MS4A6A: variants seen among roughly 807,000 people sequenced by gnomAD.
MS4A6A encodes the protein membrane spanning 4-domains A6A.
Under a neutral mutation model 20.6 loss-of-function variants are expected in MS4A6A, and 19 were observed. That is an observed-to-expected ratio of 0.92 (90% CI 0.64 to 1.36). MS4A6A has a LOEUF of 1.36. Among genes scored for constraint, MS4A6A ranks in the 40% most tolerant of loss-of-function variants. The pLI is 0.00. For missense variants in MS4A6A, 272 were observed against 261.1 expected, an observed-to-expected ratio of 1.04 and a Z score of -0.29; for synonymous variants, 108 against 105.0, an observed-to-expected ratio of 1.03 and a Z score of -0.17.
intron 1 of MS4A6A, 43 bp downstream of exon 1, chr11:60,182,935 C>T: frequency 5.6e-6 from 7 of 1,255,472 alleles, no homozygotes; most frequent in Non-Finnish European, 7.2e-6. Context: ...GAGGTCACGG[C>T]AAGGGAATAG....
chr11:60,184,509 G>A (rs910414617), upstream of MS4A6A: 1 of 152,214 alleles, frequency 6.6e-6, no homozygotes, highest in African/African-American at 2.4e-5. Context: ...CCCTTCAGGG[G>A]AATGTGCTAA....
At chr11:60,178,492 A>C (rs547543178) in intron 3 of MS4A6A, 176 bp from the exon 4 acceptor site, 1 of 515,268 alleles carries the variant, frequency 1.9e-6, no homozygotes, top group East Asian at 3.2e-5. Flanking sequence ...ACATTCAGAT[A>C]ACATCAGAAA....
chr11:60,180,026 T>A, intron 2 of MS4A6A, 61 bp from the exon 3 acceptor site: 1 of 1,551,756 alleles, frequency 6.4e-7, no homozygotes, highest in Non-Finnish European at 8.8e-7. Context: ...CAGGGCCTTT[T>A]TGCCGCTCCC....
intron 5 of MS4A6A, among the ~76,000 whole-genome samples, chr11:60,173,437 A>C (rs547666540): frequency 1.3e-5 from 2 of 152,372 alleles, no homozygotes; most frequent in South Asian, 4.1e-4. Flanking sequence ...GTAAGAAAGC[A>C]GAGTGGCGTA....
chr11:60,173,520 G>A (rs2134757962), intron 5 of MS4A6A, among the ~76,000 whole-genome samples: 2 of 152,266 alleles, frequency 1.3e-5, no homozygotes, highest in Middle Eastern at 6.8e-3. Context: ...GTGTAAGCCT[G>A]GACAAGTCTC....
At chr11:60,172,400 A>G (rs778318146), downstream of MS4A6A, 32 of 1,403,322 alleles carry the variant, frequency 2.3e-5, no homozygotes, top group Non-Finnish European at 2.6e-5. Flanking sequence ...AATAATTGCA[A>G]TTTATCACCC....
chr11:60,176,394 C>A (rs1458333366), intron 4 of MS4A6A, among the ~76,000 whole-genome samples: 1 of 152,124 alleles, frequency 6.6e-6, no homozygotes, highest in Non-Finnish European at 1.5e-5. Context: ...GTAATCAGTT[C>A]CTTGATTTTA....
Position 60,181,757 on chromosome 11 carries a change from T to C in MS4A6A, c.-14-16A>G. The stretch of plus-strand genomic sequence containing the variant: ...GTGTTGCCAACTATGTAAGAAAAAA[T>C]AGATTTAGCTCTTAAAAAGTACAGA... On this transcript the variant is annotated splice_polypyrimidine_tract_variant and intron_variant, in intron 1 of 5. Coordinates refer to ENST00000528851, the MANE Select transcript of MS4A6A (RefSeq NM_022349.4). 3 of 1,612,530 alleles carry C rather than the reference T, an allele frequency of 1.9e-6. No homozygotes were observed. The highest frequency in any genetic ancestry group is 2.5e-6 in the Non-Finnish European group (3 of 1,179,056).
Position 60,172,755 on chromosome 11 carries a change from C to T in MS4A6A, c.*246G>A. On this transcript the variant is annotated 3_prime_UTR_variant, in exon 6 of 6. Transcript: ENST00000528851. ...ATGCCAGGCCAGTCATTTAACTTCC[C>T]AGAGTCTCATTCCCTTCGCTGACAA... The T allele has an allele frequency of 7.8e-7, 1 of 1,275,298 alleles. No homozygotes were observed. Among genetic ancestry groups the T allele is most frequent in the Non-Finnish European group, 1.0e-6 (1 of 998,742 alleles). 79.0% of individuals were successfully genotyped at this position (1,275,298 alleles called of 1,614,324 possible). A position where few individuals can be genotyped will look rare whatever the true frequency, so the allele number is the denominator to read the frequency against.
intron 2 of MS4A6A, chr11:60,180,293 G>A: frequency 3.2e-6 from 1 of 313,242 alleles, no homozygotes; most frequent in Non-Finnish European, 5.8e-6. Context: ...GGACCTCTAA[G>A]TCCATGACTA....
At chr11:60,175,869 A>G (rs369334411) in intron 4 of MS4A6A, among the ~76,000 whole-genome samples, 5 of 152,230 alleles carry the variant, frequency 3.3e-5, no homozygotes, top group Admixed American at 2.0e-4. Flanking sequence ...TTACTCTCCT[A>G]AATTCTTTCC....
At chr11:60,181,104 A>G (rs1433454860) in intron 2 of MS4A6A, 1 of 450,052 alleles carries the variant, frequency 2.2e-6, no homozygotes, top group East Asian at 7.0e-5. Flanking sequence ...TCTGGGTGAG[A>G]GGAGAAACAG....
At chr11:60,178,837 C>CA (rs5792172) in intron 3 of MS4A6A, 20,135 of 380,428 alleles carry the variant, frequency 0.053, 206 homozygotes, top group Non-Finnish European at 0.066. Context: ...CTCTAAACAT[C>CA]AAAAAAAAAA....
At chr11:60,175,747 C>G in intron 4 of MS4A6A, 136 bp from the exon 5 acceptor site, 2 of 865,570 alleles carry the variant, frequency 2.3e-6, no homozygotes, top group Non-Finnish European at 3.5e-6. Flanking sequence ...TGCTGTATGC[C>G]TCTCCAGTGT....
In MS4A6A at chr11:60,172,978, GGGATA is replaced by G; in HGVS notation, c.*18_*22del. Reference sequence around the variant, plus strand: ...TTGGTGACATACTCAACACAGTGCAGGGATAAGATACACTAGGCAAGGTTAAGTGA... The same window carrying G: ...TTGGTGACATACTCAACACAGTGCAGAGATACACTAGGCAAGGTTAAGTGA... On this transcript the variant is annotated 3_prime_UTR_variant, in exon 6 of 6. Coordinates refer to ENST00000528851, the MANE Select transcript of MS4A6A (RefSeq NM_022349.4). 1 of 1,613,458 alleles carries G rather than the reference GGGATA, an allele frequency of 6.2e-7. No individual in the cohort carries two copies. Among genetic ancestry groups the G allele is most frequent in the Non-Finnish European group, 8.5e-7 (1 of 1,179,592 alleles).
downstream of MS4A6A, chr11:60,172,427 C>G (rs1013457323): frequency 7.6e-7 from 1 of 1,312,498 alleles, no homozygotes; most frequent in Middle Eastern, 2.9e-4. Context: ...TCATTCTACA[C>G]TCTATAATAC....
intron 4 of MS4A6A, 157 bp downstream of exon 4, chr11:60,178,103 G>T: frequency 1.5e-6 from 1 of 681,056 alleles, no homozygotes; most frequent in East Asian, 2.6e-5. Flanking sequence ...TCTGAACAAG[G>T]ATACAGAGGA....
intron 4 of MS4A6A, chr11:60,177,936 C>A: frequency 3.3e-6 from 1 of 302,302 alleles, no homozygotes. Context: ...AGCTTCCTTG[C>A]CACTGAAAAC....
In MS4A6A at chr11:60,175,435, G is replaced by GGTATAAA. The variant is rs1856783292; in HGVS notation, c.509_515dup (p.Thr173LeufsTer44). The stretch of plus-strand genomic sequence containing the variant: ...TGGCTTTGGCTGTATAGCAGTCCGT[G>GGTATAAA]GTATAAAGTGAATCATGATAAAAGT... On this transcript the variant is annotated frameshift_variant, in exon 5 of 6. Coordinates refer to ENST00000528851, the MANE Select transcript of MS4A6A (RefSeq NM_022349.4). LOFTEE classifies it high-confidence loss of function. The GGTATAAA allele has an allele frequency of 1.9e-6, 3 of 1,613,866 alleles. No individual in the cohort carries two copies. The highest frequency in any genetic ancestry group is 2.5e-6 in the Non-Finnish European group (3 of 1,179,954).
Sources: allele counts gnomAD v4.1 joint callset (sites outside exome capture counted in the v4.1 genomes callset), GRCh38; gene constraint gnomAD v4.1.1; transcripts MANE v1.5; gene names NCBI Gene and HGNC (gene_info 2026-07-23, HGNC 2026-07-21).